The following NEK5 variants were observed in gnomAD, a reference collection of about 807,000 sequenced individuals.
NEK5 encodes serine/threonine-protein kinase Nek5.
NEK5 carries 88 observed loss-of-function variants against 109.2 expected under a neutral mutation model. The observed-to-expected ratio is 0.81, with a 90% CI of 0.68 to 0.96. The LOEUF (loss-of-function observed/expected upper bound fraction) is 0.96, where lower values mean the gene tolerates loss of function less well. Among genes scored for constraint, NEK5 ranks in the 40% least tolerant of loss-of-function variants. The pLI is 0.00. For missense variants in NEK5, 834 were observed against 920.7 expected (o/e 0.91, Z 1.22); for synonymous variants, 283 against 299.9 (o/e 0.94, Z 0.58).
At chr13:52,108,626 T>TA (rs1405809745) in intron 7 of NEK5, among the ~76,000 whole-genome samples, 1 of 152,170 alleles carries the variant, frequency 6.6e-6, no homozygotes, top group Non-Finnish European at 1.5e-5. Context: ...TTAAAATATA[T>TA]TTTTTATGGC....
chr13:52,089,108 A>C (rs76513165), intron 14 of NEK5, 139 bp downstream of exon 14: 2 of 159,146 alleles, frequency 1.3e-5, no homozygotes, highest in Non-Finnish European at 1.1e-5. Flanking sequence ...ACAACAACAA[A>C]AACAAAAACA....
chr13:52,073,197 T>A (rs1339581300), intron 19 of NEK5, among the ~76,000 whole-genome samples: 2 of 152,224 alleles, frequency 1.3e-5, no homozygotes, highest in Non-Finnish European at 2.9e-5. Context: ...AAATAGCTCT[T>A]TTATTTAAAG....
At chr13:52,123,002 T>C (rs1410551293) in intron 3 of NEK5, among the ~76,000 whole-genome samples, 2 of 152,216 alleles carry the variant, frequency 1.3e-5, no homozygotes, top group East Asian at 1.9e-4. Flanking sequence ...ACACTTTTAT[T>C]TGAGCCCAGA....
Position 52,036,861 on chromosome 13 carries a change from T to C in NEK5, c.*87A>G, listed in dbSNP as rs1954365063. 1.7e-6 allele frequency: 1 copy of C among 587,842 alleles called. No individual in the cohort carries two copies. Among genetic ancestry groups the C allele is most frequent in the Non-Finnish European group, 2.1e-6 (1 of 467,002 alleles). The allele number at this position is 587,842 out of a possible 1,614,324, so 36.4% of individuals were successfully genotyped here. A position where few individuals can be genotyped will look rare whatever the true frequency, so the allele number is the denominator to read the frequency against. On this transcript the variant is annotated 3_prime_UTR_variant, in exon 24 of 24. Coordinates refer to ENST00000684899, the MANE Select transcript of NEK5 (RefSeq NM_001365552.1). ...ATCCTTGAGATTACTAGAAAACCCTTACAGTAAATGAGCATTTATGACTTG... is the reference window on the plus strand; with the variant it reads ...ATCCTTGAGATTACTAGAAAACCCTCACAGTAAATGAGCATTTATGACTTG...
intron 4 of NEK5, among the ~76,000 whole-genome samples, chr13:52,114,353 A>G (rs1955809904): frequency 6.6e-6 from 1 of 152,196 alleles, no homozygotes; most frequent in African/African-American, 2.4e-5. Flanking sequence ...CTTGCCAAAT[A>G]TCTATCTTTT....
At chr13:52,060,942 C>T (rs1457324718) in intron 22 of NEK5, among the ~76,000 whole-genome samples, 21 of 152,166 alleles carry the variant, frequency 1.4e-4, no homozygotes, top group Non-Finnish European at 3.1e-4. Context: ...TCACAGCATC[C>T]TCTAACTCCT....
intron 23 of NEK5, among the ~76,000 whole-genome samples, chr13:52,039,117 G>A (rs901601307): frequency 1.3e-5 from 2 of 152,108 alleles, no homozygotes; most frequent in Admixed American, 1.3e-4. Flanking sequence ...TTTTTCCTAA[G>A]AAAAAGAAGA....
chr13:52,118,837 A>C (rs1955912248), intron 4 of NEK5, among the ~76,000 whole-genome samples: 1 of 152,108 alleles, frequency 6.6e-6, no homozygotes, highest in Non-Finnish European at 1.5e-5. Context: ...ACACAAACAC[A>C]CACATCCTAG....
At chr13:52,070,473 T>C (rs1377209252) in intron 20 of NEK5, among the ~76,000 whole-genome samples, 1 of 152,204 alleles carries the variant, frequency 6.6e-6, no homozygotes, top group Non-Finnish European at 1.5e-5. Flanking sequence ...TGGGGGCGGA[T>C]CTTTCCCATG....
At chr13:52,063,791 G>A (rs1372919859) in intron 21 of NEK5, among the ~76,000 whole-genome samples, 88 of 151,274 alleles carry the variant, frequency 5.8e-4, no homozygotes, top group African/African-American at 1.4e-3. Flanking sequence ...GAGACCCTCC[G>A]CCTGGCAACC....
At position 52,102,022 on chromosome 13, in the gene NEK5, C is replaced by G; in HGVS notation, c.811-8G>C. 1 of 1,613,762 alleles carries G rather than the reference C, an allele frequency of 6.2e-7. No homozygotes were observed. The highest frequency in any genetic ancestry group is 8.5e-7 in the Non-Finnish European group (1 of 1,179,766). ...GAATTCTTCCTGAATGACCTAAAAC[C>G]GAACACACGTGTCAAGGACCTGCAA... On this transcript the variant is annotated splice_region_variant and splice_polypyrimidine_tract_variant and intron_variant, in intron 10 of 23. Coordinates refer to ENST00000684899, the MANE Select transcript of NEK5 (RefSeq NM_001365552.1).
chr13:52,064,450 G>T (rs1183346035), intron 21 of NEK5, among the ~76,000 whole-genome samples: 2 of 143,454 alleles, frequency 1.4e-5, no homozygotes, highest in East Asian at 2.1e-4. Context: ...AGGGAGGTGG[G>T]GGGGGTCAGC....
At chr13:52,057,664 T>C (rs1284908636) in intron 22 of NEK5, among the ~76,000 whole-genome samples, 1 of 152,170 alleles carries the variant, frequency 6.6e-6, no homozygotes, top group African/African-American at 2.4e-5. Context: ...AATCAATAAA[T>C]GTAATCCAGC....
intron 20 of NEK5, among the ~76,000 whole-genome samples, chr13:52,069,720 A>G (rs1309233114): frequency 6.6e-6 from 1 of 152,152 alleles, no homozygotes; most frequent in Non-Finnish European, 1.5e-5. Flanking sequence ...CACACTCAGT[A>G]TCTATTCTCC....
chr13:52,114,003 A>G (rs527891395), intron 4 of NEK5, among the ~76,000 whole-genome samples: 2 of 152,232 alleles, frequency 1.3e-5, no homozygotes, highest in Non-Finnish European at 2.9e-5. Flanking sequence ...TCTGCTGTTT[A>G]TAAGCCACCT....
Position 52,035,042 on chromosome 13 carries a change from T to C in NEK5, c.*1906A>G, listed in dbSNP as rs1465710983. 6.6e-6 allele frequency: 1 copy of C among 151,936 alleles called. No homozygotes were observed. Among genetic ancestry groups the C allele is most frequent in the Non-Finnish European group, 1.5e-5 (1 of 68,008 alleles). The allele number at this position is 151,936 out of a possible 1,614,324, so 9.4% of individuals were successfully genotyped here. A position where few individuals can be genotyped will look rare whatever the true frequency, so the allele number is the denominator to read the frequency against. On this transcript the variant is annotated 3_prime_UTR_variant, in exon 24 of 24. Transcript: ENST00000684899. ...TGTCTGAACTAGTCCTGAAAGTAAA[T>C]AAACATGCACATCCGGAGCACTAAA...
chr13:52,100,435 T>C (rs573748396), intron 11 of NEK5, among the ~76,000 whole-genome samples: 1 of 152,244 alleles, frequency 6.6e-6, no homozygotes, highest in African/African-American at 2.4e-5. Flanking sequence ...CTAATTTTTG[T>C]ATTTTTAGTA....
chr13:52,054,375 C>T (rs1954534006), intron 22 of NEK5, among the ~76,000 whole-genome samples: 1 of 152,188 alleles, frequency 6.6e-6, no homozygotes, highest in South Asian at 2.1e-4. Flanking sequence ...AACTGGAGTG[C>T]AGCAGCACAA....
intron 22 of NEK5, among the ~76,000 whole-genome samples, chr13:52,051,448 G>A (rs1218128373): frequency 6.6e-6 from 1 of 152,182 alleles, no homozygotes; most frequent in African/African-American, 2.4e-5. Flanking sequence ...AGGTTGGTCT[G>A]TTTTCCTAGT....
Sources: allele counts gnomAD v4.1 joint callset (sites outside exome capture counted in the v4.1 genomes callset), GRCh38; gene constraint gnomAD v4.1.1; transcripts MANE v1.5; gene names NCBI Gene and HGNC (gene_info 2026-07-23, HGNC 2026-07-21).